PCDH11X: variants seen among roughly 807,000 people sequenced by gnomAD.
PCDH11X encodes protocadherin-11 X-linked.
PCDH11X carries 18 observed loss-of-function variants against 53.3 expected under a neutral mutation model. The ratio of observed to expected loss-of-function variants is 0.34; its 90% confidence interval spans 0.23 to 0.50. The LOEUF (loss-of-function observed/expected upper bound fraction) is 0.50. Ranked by LOEUF, PCDH11X falls within the 20% of genes least tolerant of loss-of-function variation. The pLI is 0.98. For synonymous variants in PCDH11X, 279 were observed against 393.3 expected (o/e 0.71, Z 3.44); for missense variants, 570 against 1,032.4 (o/e 0.55, Z 6.14).
chrX:91,893,025 A>G (rs1433825359), intron 6 of PCDH11X, among the ~76,000 whole-genome samples: 1 of 109,572 alleles, frequency 9.1e-6, no homozygotes, highest in Non-Finnish European at 1.9e-5. Context: ...TAAAAATGAA[A>G]CAAGTCGGCA....
intron 6 of PCDH11X, among the ~76,000 whole-genome samples, chrX:92,149,080 C>T (rs1018821515): frequency 2.7e-5 from 3 of 111,228 alleles, no homozygotes; most frequent in Non-Finnish European, 3.8e-5. Flanking sequence ...CTATCCTCAT[C>T]TATCAGAAAC....
At chrX:92,200,405 C>T (rs2066368744) in intron 6 of PCDH11X, among the ~76,000 whole-genome samples, 1 of 111,316 alleles carries the variant, frequency 9.0e-6, no homozygotes. Flanking sequence ...TCATATGATC[C>T]AGCAATCCTA....
intron 10 of PCDH11X, among the ~76,000 whole-genome samples, chrX:92,495,314 A>G (rs2073841703): frequency 9.2e-6 from 1 of 109,123 alleles, no homozygotes; most frequent in Non-Finnish European, 1.9e-5. Context: ...ATGCGGCTTC[A>G]TGTGCCTGCT....
chrX:92,503,751 C>G (rs1430321409), intron 10 of PCDH11X, among the ~76,000 whole-genome samples: 1 of 110,960 alleles, frequency 9.0e-6, no homozygotes, highest in African/African-American at 3.3e-5. Context: ...TCAGGAAGAA[C>G]AGCTAATGGA....
At chrX:92,480,876 G>T (rs980347392) in intron 10 of PCDH11X, among the ~76,000 whole-genome samples, 2 of 111,266 alleles carry the variant, frequency 1.8e-5, no homozygotes, top group Non-Finnish European at 3.8e-5. Flanking sequence ...CCTGCATGTT[G>T]GCTGTGGCAG....
intron 8 of PCDH11X, among the ~76,000 whole-genome samples, chrX:92,280,764 A>G (rs1159534313): frequency 9.1e-6 from 1 of 109,720 alleles, no homozygotes; most frequent in Non-Finnish European, 1.9e-5. Context: ...TTTGAAGCAT[A>G]ATGTAATTAA....
chrX:92,197,893 G>A (rs753588774), intron 6 of PCDH11X, among the ~76,000 whole-genome samples: 1 of 111,752 alleles, frequency 8.9e-6, no homozygotes, highest in Admixed American at 9.6e-5. Context: ...AAAACCTACT[G>A]CATTTGAGAA....
At chrX:92,214,787 AC>A (rs775304328) in intron 7 of PCDH11X, among the ~76,000 whole-genome samples, 21 of 111,731 alleles carry the variant, frequency 1.9e-4, no homozygotes, top group Admixed American at 1.8e-3. Context: ...GGTGAATCAC[AC>A]CTGTAATCTC....
intron 6 of PCDH11X, among the ~76,000 whole-genome samples, chrX:92,078,320 T>C (rs1240496904): frequency 9.0e-6 from 1 of 111,408 alleles, no homozygotes; most frequent in Non-Finnish European, 1.9e-5. Flanking sequence ...GCTTAAATCT[T>C]TCTTCATTTT....
chrX:92,023,089 A>C (rs2062912668), intron 6 of PCDH11X, among the ~76,000 whole-genome samples: 1 of 110,037 alleles, frequency 9.1e-6, no homozygotes, highest in Non-Finnish European at 1.9e-5. Context: ...TCAACACCCT[A>C]ACATTGCAAT....
intron 8 of PCDH11X, among the ~76,000 whole-genome samples, chrX:92,367,976 G>A (rs1603290823): frequency 9.8e-6 from 1 of 102,547 alleles, no homozygotes; most frequent in Non-Finnish European, 2.0e-5. Context: ...GTGTCTTGGG[G>A]TTGCTTTTCT....
chrX:92,443,659 T>C (rs1294878515), intron 9 of PCDH11X, among the ~76,000 whole-genome samples: 2 of 110,429 alleles, frequency 1.8e-5, no homozygotes, highest in African/African-American at 6.6e-5. Flanking sequence ...TAGTTAGAGG[T>C]TTTACATTTA....
chrX:92,469,621 C>A (rs2073221474), intron 10 of PCDH11X, among the ~76,000 whole-genome samples: 1 of 111,370 alleles, frequency 9.0e-6, no homozygotes, highest in South Asian at 3.7e-4. Flanking sequence ...ATATGGATAT[C>A]CAGTTTTCAG....
rs2065662365 is a variant in PCDH11X at position 92,162,505 on chromosome X, T to A, written c.3034-38870T>A. Among the ~76,000 whole-genome samples, 3 of 111,334 alleles carry A rather than the reference T, an allele frequency of 2.7e-5. No individual in the cohort carries two copies. The South Asian group carries it at 1.1e-3, about 42-fold the overall frequency. On this transcript the variant is annotated intron_variant, in intron 6 of 10. Transcript: ENST00000682573. ...CCGCTCCTGGACATTGCTGTTTAGA[T>A]TCTTTTGTCCCATGGGGTGTTCCCT...
intron 6 of PCDH11X, among the ~76,000 whole-genome samples, chrX:92,040,490 C>A (rs1316953764): frequency 9.0e-6 from 1 of 110,952 alleles, no homozygotes; most frequent in Non-Finnish European, 1.9e-5. Context: ...GTCCTCCAGT[C>A]GCTGTTGTTT....
intron 8 of PCDH11X, among the ~76,000 whole-genome samples, chrX:92,300,398 T>C (rs1337501182): frequency 9.0e-6 from 1 of 111,628 alleles, no homozygotes; most frequent in Non-Finnish European, 1.9e-5. Flanking sequence ...TTCTTTCTCA[T>C]ATGTGTGGGC....
At chrX:92,553,545 G>C in intron 10 of PCDH11X, among the ~76,000 whole-genome samples, 1 of 107,691 alleles carries the variant, frequency 9.3e-6, no homozygotes, top group East Asian at 2.9e-4. Flanking sequence ...CTCATCTTTT[G>C]TATTGTTTTC....
chrX:92,042,955 G>A (rs754689793), intron 6 of PCDH11X, among the ~76,000 whole-genome samples: 131 of 110,233 alleles, frequency 1.2e-3, no homozygotes, highest in African/African-American at 4.1e-3. Context: ...CATTTTTTAA[G>A]AACACATTTC....
At chrX:92,560,403 C>T (rs2075115270) in intron 10 of PCDH11X, among the ~76,000 whole-genome samples, 1 of 112,278 alleles carries the variant, frequency 8.9e-6, no homozygotes, top group African/African-American at 3.2e-5. Context: ...TGAAAGACTC[C>T]ACCTGTTTGA....
Sources: gnomAD v4.1 joint callset for allele counts (sites outside exome capture counted in the v4.1 genomes callset) on GRCh38, gnomAD v4.1.1 for gene constraint, MANE v1.5 for transcripts, NCBI Gene and HGNC (gene_info 2026-07-23, HGNC 2026-07-21) for gene names.